The following KIAA1958 variants were observed in gnomAD, a reference collection of about 807,000 sequenced individuals.
KIAA1958 encodes the protein KIAA1958, also known as uncharacterized protein KIAA1958.
Under a neutral mutation model 47.2 loss-of-function variants are expected in KIAA1958, and 14 were observed. The ratio of observed to expected loss-of-function variants is 0.30; its 90% confidence interval spans 0.20 to 0.46. KIAA1958 has a LOEUF of 0.46. Ranked by LOEUF, KIAA1958 falls within the 20% of genes least tolerant of loss-of-function variation. KIAA1958 has a pLI of 1.00. For synonymous variants in KIAA1958, 354 were observed against 353.3 expected, an observed-to-expected ratio of 1.00 and a Z score of -0.02; for missense variants, 803 against 909.2, an observed-to-expected ratio of 0.88 and a Z score of 1.50.
intron 1 of KIAA1958, among the ~76,000 whole-genome samples, chr9:112,560,071 T>A (rs1190290558): frequency 6.8e-6 from 1 of 146,408 alleles, no homozygotes; most frequent in African/African-American, 2.5e-5. Flanking sequence ...GCTGCACTGA[T>A]TTTTTTTTTT....
chr9:112,666,024 G>C lies in KIAA1958; in HGVS notation c.*5955G>C, dbSNP rs541910414. 2.0e-5 allele frequency: 3 copies of C among 149,964 alleles called. No homozygotes were observed. The highest frequency in any genetic ancestry group is 7.4e-5 in the African/African-American group (3 of 40,678). The allele number at this position is 149,964 out of a possible 1,614,324, so 9.3% of individuals were successfully genotyped here. A position where few individuals can be genotyped will look rare whatever the true frequency, so the allele number is the denominator to read the frequency against. ...TTTTGAGACTCAGGAGTCTCACTCT[G>C]TTGCCCAGGCTGGAGTGCAGTGGTG... On this transcript the variant is annotated 3_prime_UTR_variant, in exon 4 of 4. Transcript: ENST00000337530.
At chr9:112,584,092 C>T (rs955639215) in intron 2 of KIAA1958, among the ~76,000 whole-genome samples, 1 of 151,958 alleles carries the variant, frequency 6.6e-6, no homozygotes, top group Admixed American at 6.5e-5. Flanking sequence ...GTGATGGGAA[C>T]ATGAGTTTAT....
intron 1 of KIAA1958, among the ~76,000 whole-genome samples, chr9:112,487,475 T>C (rs966726945): frequency 6.6e-6 from 1 of 151,938 alleles, no homozygotes; most frequent in Non-Finnish European, 1.5e-5. Flanking sequence ...CTCCTGCTCT[T>C]GGGTCTGTCG....
chr9:112,561,543 G>A (rs1333381927), intron 1 of KIAA1958, among the ~76,000 whole-genome samples: 2 of 152,082 alleles, frequency 1.3e-5, no homozygotes, highest in African/African-American at 4.8e-5. Context: ...CTACTGAAAA[G>A]CCCATATGAT....
rs1297036015 is a variant in KIAA1958, at chr9:112,623,910, T to C, written c.1172-21740T>C. On this transcript the variant is annotated intron_variant, in intron 2 of 3. Coordinates refer to ENST00000337530, the MANE Select transcript of KIAA1958 (RefSeq NM_133465.4). ...ATTCAGATTTTTTCTGGTTCGACTA[T>C]CTGCAGTTTAATGTGAGACAGACAC... Among the ~76,000 whole-genome samples, 9 of 152,316 alleles carry C rather than the reference T, an allele frequency of 5.9e-5. No individual in the cohort carries two copies. In the East Asian group the frequency reaches 1.7e-3, roughly 29 times the overall value.
At position 112,645,666 on chromosome 9, in the gene KIAA1958, C is replaced by A; in HGVS notation, c.1188C>A (p.Leu396=). 1 of 1,604,830 alleles carries A rather than the reference C, an allele frequency of 6.2e-7. No individual in the cohort carries two copies. Among genetic ancestry groups the A allele is most frequent in the South Asian group, 1.1e-5 (1 of 89,164 alleles). ...TATTTCTAGCTTATTCCACTAAGCTCAACAAATTTCCTGTATTTAATATTA... is the reference window on the plus strand; with the variant it reads ...TATTTCTAGCTTATTCCACTAAGCTAAACAAATTTCCTGTATTTAATATTA... ...AQCIPAYSTK[L]NKFPVFNIND... Residue 396 remains leucine, a synonymous_variant, in exon 3 of 4, where the codon CTC becomes CTA. Coordinates refer to ENST00000337530, the MANE Select transcript of KIAA1958 (RefSeq NM_133465.4).
intron 1 of KIAA1958, among the ~76,000 whole-genome samples, chr9:112,558,140 G>A (rs188775768): frequency 1.3e-4 from 20 of 152,106 alleles, no homozygotes; most frequent in Admixed American, 8.5e-4. Context: ...CAGGGGAATC[G>A]CTTGAACCCG....
chr9:112,493,519 G>A (rs1834006082), intron 1 of KIAA1958, among the ~76,000 whole-genome samples: 1 of 152,130 alleles, frequency 6.6e-6, no homozygotes, highest in Non-Finnish European at 1.5e-5. Flanking sequence ...TCAAGCCCCT[G>A]GGTCAGTCAG....
chr9:112,496,586 A>G (rs1440498754), intron 1 of KIAA1958, among the ~76,000 whole-genome samples: 3 of 152,184 alleles, frequency 2.0e-5, no homozygotes, highest in African/African-American at 7.2e-5. Flanking sequence ...AAAGGAAAAA[A>G]TGTGGCTTCT....
chr9:112,549,755 A>C (rs1835108508), intron 1 of KIAA1958, among the ~76,000 whole-genome samples: 1 of 152,086 alleles, frequency 6.6e-6, no homozygotes, highest in African/African-American at 2.4e-5. Context: ...AAAAGGGAGG[A>C]AGCATTTAAC....
intron 2 of KIAA1958, among the ~76,000 whole-genome samples, chr9:112,635,998 C>T (rs565841720): frequency 3.3e-5 from 5 of 151,378 alleles, no homozygotes; most frequent in Non-Finnish European, 7.4e-5. Context: ...TCTGTTTAGG[C>T]AATAACTGCA....
At chr9:112,494,630 A>T (rs1164841917) in intron 1 of KIAA1958, among the ~76,000 whole-genome samples, 1 of 151,590 alleles carries the variant, frequency 6.6e-6, no homozygotes, top group Non-Finnish European at 1.5e-5. Context: ...ACCATGCCCT[A>T]CTAATTTTTG....
chr9:112,496,549 C>T (rs929359667), intron 1 of KIAA1958, among the ~76,000 whole-genome samples: 4 of 152,180 alleles, frequency 2.6e-5, no homozygotes, highest in African/African-American at 9.7e-5. Flanking sequence ...CTTATTGCTG[C>T]CTTTTTCCGA....
chr9:112,503,615 T>TAAA (rs1341928186), intron 1 of KIAA1958, among the ~76,000 whole-genome samples: 1 of 16,268 alleles, frequency 6.1e-5, no homozygotes. Flanking sequence ...AGACCCTGTC[T>TAAA]CAAAAAAAAA....
chr9:112,625,755 T>C (rs144444025), intron 2 of KIAA1958, among the ~76,000 whole-genome samples: 100 of 152,350 alleles, frequency 6.6e-4, no homozygotes, highest in African/African-American at 2.3e-3. Context: ...CATTGTGTTG[T>C]GTTACATCTT....
intron 2 of KIAA1958, among the ~76,000 whole-genome samples, chr9:112,625,560 G>A (rs557685121): frequency 3.8e-4 from 58 of 152,262 alleles, no homozygotes; most frequent in Non-Finnish European, 6.6e-4. Flanking sequence ...GGTTAAAGCC[G>A]GGACTAGAGG....
chr9:112,581,358 G>A (rs1244066543), intron 2 of KIAA1958, among the ~76,000 whole-genome samples: 3 of 152,154 alleles, frequency 2.0e-5, no homozygotes, highest in African/African-American at 7.2e-5. Context: ...ATTAGATTGT[G>A]CTCAATACTC....
chr9:112,516,417 T>C (rs981211378), intron 1 of KIAA1958, among the ~76,000 whole-genome samples: 6 of 152,222 alleles, frequency 3.9e-5, no homozygotes, highest in Non-Finnish European at 7.3e-5. Context: ...GTAAGATCTG[T>C]ACACTAAAAA....
chr9:112,621,127 G>A (rs1182427357), intron 2 of KIAA1958, among the ~76,000 whole-genome samples: 2 of 152,050 alleles, frequency 1.3e-5, no homozygotes, highest in Admixed American at 1.3e-4. Flanking sequence ...CCAGAGCTGG[G>A]GACACAGTGT....
Sources: allele counts gnomAD v4.1 joint callset (sites outside exome capture counted in the v4.1 genomes callset), GRCh38; gene constraint gnomAD v4.1.1; transcripts MANE v1.5; gene names NCBI Gene and HGNC (gene_info 2026-07-23, HGNC 2026-07-21).